Variants in DOCK7 observed in about 807,000 individuals in gnomAD.
DOCK7 encodes the protein dedicator of cytokinesis protein 7.
A neutral mutation model predicts 271.0 loss-of-function variants in DOCK7; 138 were observed. That is an observed-to-expected ratio of 0.51 (90% CI 0.44 to 0.59). The LOEUF (loss-of-function observed/expected upper bound fraction) is 0.59. DOCK7 is among the 20% of genes least tolerant of loss of function. The probability of loss-of-function intolerance (pLI) is 0.00; values close to 1 mark genes in which losing one functional copy is unlikely to be tolerated. For synonymous variants in DOCK7, 823 were observed against 876.1 expected, an observed-to-expected ratio of 0.94 and a Z score of 1.07; for missense variants, 2,066 against 2,592.4, an observed-to-expected ratio of 0.80 and a Z score of 4.41.
At chr1:62,540,880 G>C (rs1281291352) in intron 25 of DOCK7, among the ~76,000 whole-genome samples, 1 of 152,138 alleles carries the variant, frequency 6.6e-6, no homozygotes, top group Non-Finnish European at 1.5e-5. Flanking sequence ...TACAGGAGCA[G>C]AGATGTACAT....
At chr1:62,569,996 G>C (rs1557735661) in intron 18 of DOCK7, among the ~76,000 whole-genome samples, 1 of 152,108 alleles carries the variant, frequency 6.6e-6, no homozygotes, top group Non-Finnish European at 1.5e-5. Flanking sequence ...TTATAGGCAT[G>C]GGCCACTGCG....
At chr1:62,534,802 T>C (rs1167221116) in intron 29 of DOCK7, among the ~76,000 whole-genome samples, 1 of 151,898 alleles carries the variant, frequency 6.6e-6, no homozygotes, top group African/African-American at 2.4e-5. Flanking sequence ...TGGCAAATTA[T>C]AAATTTTTGG....
chr1:62,667,909 A>T (rs1243988295), intron 1 of DOCK7, among the ~76,000 whole-genome samples: 1 of 152,018 alleles, frequency 6.6e-6, no homozygotes, highest in African/African-American at 2.4e-5. Context: ...AATCCCAGCT[A>T]CTTGGGAGAC....
chr1:62,527,610 C>G (rs567285234), intron 31 of DOCK7, among the ~76,000 whole-genome samples: 13 of 151,754 alleles, frequency 8.6e-5, no homozygotes, highest in Non-Finnish European at 2.9e-5. Context: ...CCATCATTCT[C>G]AGCAAACTAT....
intron 35 of DOCK7, among the ~76,000 whole-genome samples, chr1:62,506,892 A>G (rs1646954443): frequency 6.6e-6 from 1 of 150,610 alleles, no homozygotes; most frequent in South Asian, 2.2e-4. Context: ...GGTTGTGGTG[A>G]GCTGAGATTG....
chr1:62,462,479 T>C (rs775973311), intron 48 of DOCK7, among the ~76,000 whole-genome samples: 46 of 152,258 alleles, frequency 3.0e-4, no homozygotes, highest in African/African-American at 8.2e-4. Flanking sequence ...CCCAAAAACA[T>C]AGGCACATAA....
chr1:62,457,789 A>G (rs1312220493), intron 48 of DOCK7, 84 bp from the exon 49 acceptor site: 1 of 1,281,316 alleles, frequency 7.8e-7, no homozygotes, highest in Non-Finnish European at 1.1e-6. Context: ...ATACATATAC[A>G]TATATATGTG....
At chr1:62,683,704 G>C (rs1200358254) in intron 1 of DOCK7, among the ~76,000 whole-genome samples, 3 of 152,148 alleles carry the variant, frequency 2.0e-5, no homozygotes, top group African/African-American at 7.2e-5. Context: ...GGAGGCCGAG[G>C]TGGGCAGATC....
intron 1 of DOCK7, among the ~76,000 whole-genome samples, chr1:62,672,707 C>T (rs994738235): frequency 6.6e-6 from 1 of 151,976 alleles, no homozygotes; most frequent in Non-Finnish European, 1.5e-5. Context: ...TTCTCTGCAG[C>T]AACATTATTT....
rs1014734033 is a variant in DOCK7, at chr1:62,535,474, T to C, written c.3611+19A>G. ...AAAATCAAACTCATATTCTACAAGGTAAAAACTAGTGTACTCACCCTTCAG... is the reference window on the plus strand; with the variant it reads ...AAAATCAAACTCATATTCTACAAGGCAAAAACTAGTGTACTCACCCTTCAG... On this transcript the variant is annotated intron_variant, in intron 29 of 49. Coordinates refer to ENST00000635253, the MANE Select transcript of DOCK7 (RefSeq NM_001367561.1). 6.2e-6 allele frequency: 10 copies of C among 1,608,598 alleles called. No individual in the cohort carries two copies. Among genetic ancestry groups the C allele is most frequent in the Non-Finnish European group, 8.5e-6 (10 of 1,177,500 alleles).
intron 4 of DOCK7, among the ~76,000 whole-genome samples, chr1:62,651,241 A>G (rs1657317122): frequency 6.9e-6 from 1 of 145,702 alleles, no homozygotes; most frequent in African/African-American, 2.5e-5. Context: ...TGAGAATTGA[A>G]CAATGAGAAC....
intron 1 of DOCK7, among the ~76,000 whole-genome samples, chr1:62,683,751 A>G (rs755084168): frequency 1.3e-5 from 2 of 152,140 alleles, no homozygotes; most frequent in Non-Finnish European, 1.5e-5. Context: ...CCTGGGCAAC[A>G]TGGCGAAAAC....
chr1:62,604,509 T>C (rs1571735021), intron 14 of DOCK7: 2 of 1,050,264 alleles, frequency 1.9e-6, no homozygotes, highest in Admixed American at 4.5e-5. Context: ...TATTTAAAAC[T>C]GGGATACATG....
chr1:62,619,811 A>G, intron 13 of DOCK7, 89 bp downstream of exon 13: 1 of 627,506 alleles, frequency 1.6e-6, no homozygotes, highest in South Asian at 2.6e-5. Context: ...GGCCAGATAA[A>G]TAAAAAAAAA....
At chr1:62,485,218 A>G (rs1646258258) in intron 43 of DOCK7, 1 of 985,322 alleles carries the variant, frequency 1.0e-6, no homozygotes, top group Admixed American at 6.1e-5. Context: ...AGTGAACACT[A>G]AACAGCCATT....
chr1:62,587,803 CTGTGTGGG>C (rs1331098394), intron 14 of DOCK7, among the ~76,000 whole-genome samples: 1 of 151,960 alleles, frequency 6.6e-6, no homozygotes, highest in Non-Finnish European at 1.5e-5. Context: ...GTGGAAAACT[CTGTGTGGG>C]GGTGTGGGGG....
chr1:62,618,770 T>C lies in DOCK7; in HGVS notation c.1618A>G (p.Arg540Gly). 1.9e-6 allele frequency: 3 copies of C among 1,613,790 alleles called. No homozygotes were observed. Among genetic ancestry groups the C allele is most frequent in the Non-Finnish European group, 1.7e-6 (2 of 1,179,702 alleles). The change falls in exon 14 of 50, where the codon AGA (arginine) becomes GGA (glycine). Residue 540 changes from arginine (R) to glycine (G), a missense_variant. By Grantham distance (125) the Arg-to-Gly change is moderately radical. Coordinates refer to ENST00000635253, the MANE Select transcript of DOCK7 (RefSeq NM_001367561.1). Reference sequence around the variant, plus strand: ...AACTCTAAGATTTCTCTGGTAGGTCTAACTCTACTGTCAGGGTAAAGCTTC... The same window carrying C: ...AACTCTAAGATTTCTCTGGTAGGTCCAACTCTACTGTCAGGGTAAAGCTTC... Reference protein sequence around the residue: ...QVKLYPDSRVRPTREILEFPA... With the variant: ...QVKLYPDSRVGPTREILEFPA...
intron 1 of DOCK7, among the ~76,000 whole-genome samples, chr1:62,671,252 C>G (rs886176402): frequency 6.6e-6 from 1 of 152,236 alleles, no homozygotes; most frequent in African/African-American, 2.4e-5. Flanking sequence ...CAATTCCAGA[C>G]ACATTATCTC....
Position 62,648,172 on chromosome 1 carries a change from C to A in DOCK7, c.666G>T (p.Gln222His), listed in dbSNP as rs547051818. 6.2e-7 allele frequency: 1 copy of A among 1,613,582 alleles called. No homozygotes were observed. The highest frequency in any genetic ancestry group is 1.3e-5 in the African/African-American group (1 of 74,996). The change falls in exon 6 of 50, where the codon CAG becomes CAT. Residue 222 changes from glutamine to histidine, a missense_variant. By Grantham distance (24) the Gln-to-His change is conservative (BLOSUM62 0). Transcript: ENST00000635253. The part of the protein sequence containing the change: ...DRTPNEEIDR[Q>H]NDDQRKSNRH... ...GGTTTGATTTCCTTTGGTCATCATT[C>A]TGACGGTCTATTTCTTCATTTGGAG... is the stretch of plus-strand genomic sequence containing the variant.
Sources: gnomAD v4.1 joint callset for allele counts (sites outside exome capture counted in the v4.1 genomes callset) on GRCh38, gnomAD v4.1.1 for gene constraint, MANE v1.5 for transcripts, NCBI Gene and HGNC (gene_info 2026-07-23, HGNC 2026-07-21) for gene names.